The following ZPBP variants were observed in gnomAD, a reference collection of about 807,000 sequenced individuals.
The protein encoded by ZPBP is zona pellucida binding protein.
Under a neutral mutation model 44.8 loss-of-function variants are expected in ZPBP, and 26 were observed. The ratio of observed to expected loss-of-function variants is 0.58; its 90% CI spans 0.43 to 0.81. The LOEUF (loss-of-function observed/expected upper bound fraction) is 0.81, where lower values mean the gene tolerates loss of function less well. Among genes scored for constraint, ZPBP ranks in the 30% least tolerant of loss-of-function variants. The probability of loss-of-function intolerance (pLI) is 0.00; values close to 1 mark genes in which losing one functional copy is unlikely to be tolerated. For synonymous variants in ZPBP, 174 were observed against 153.2 expected (o/e 1.14, Z -1.00); for missense variants, 409 against 434.0 (o/e 0.94, Z 0.51).
intron 3 of ZPBP, among the ~76,000 whole-genome samples, chr7:50,072,558 C>G (rs757688881): frequency 6.6e-6 from 1 of 152,188 alleles, no homozygotes; most frequent in Non-Finnish European, 1.5e-5. Context: ...AGGTCTGACC[C>G]AGTGTAGTCA....
intron 2 of ZPBP, among the ~76,000 whole-genome samples, chr7:49,878,819 G>T (rs2128726364): frequency 6.6e-6 from 1 of 152,284 alleles, no homozygotes; most frequent in African/African-American, 2.4e-5. Flanking sequence ...ATAAAGACAT[G>T]TTGGAACACA....
At chr7:49,981,597 A>C (rs1196007360) in intron 7 of ZPBP, among the ~76,000 whole-genome samples, 40 of 23,618 alleles carry the variant, frequency 1.7e-3, no homozygotes, top group Non-Finnish European at 2.5e-3. Context: ...TTATATAATT[A>C]TATAAATTAT....
intron 5 of ZPBP, among the ~76,000 whole-genome samples, chr7:50,024,830 G>A (rs183500189): frequency 3.0e-4 from 45 of 152,046 alleles, no homozygotes; most frequent in Admixed American, 7.9e-4. Flanking sequence ...ATTTTACCAT[G>A]AGTCATGCTC....
At chr7:50,008,418 A>G (rs373746259) in intron 6 of ZPBP, among the ~76,000 whole-genome samples, 4 of 152,126 alleles carry the variant, frequency 2.6e-5, no homozygotes, top group Non-Finnish European at 5.9e-5. Context: ...TTCATGCATT[A>G]ACACATTTAA....
chr7:50,042,217 C>A (rs1379198543), intron 4 of ZPBP, among the ~76,000 whole-genome samples: 1 of 151,768 alleles, frequency 6.6e-6, no homozygotes, highest in African/African-American at 2.4e-5. Flanking sequence ...CTAAAAGTGA[C>A]GAGGAGAATG....
At chr7:49,942,080 T>G (rs948434994) in intron 7 of ZPBP, among the ~76,000 whole-genome samples, 5 of 152,126 alleles carry the variant, frequency 3.3e-5, no homozygotes, top group Non-Finnish European at 7.4e-5. Flanking sequence ...TGAAGTTGGA[T>G]TCTTAGACCA....
intron 3 of ZPBP, among the ~76,000 whole-genome samples, chr7:50,071,052 T>A (rs988907347): frequency 5.3e-5 from 8 of 152,222 alleles, no homozygotes; most frequent in East Asian, 3.8e-4. Flanking sequence ...ACAAATTTTT[T>A]AATTTCTTTT....
At chr7:50,016,817 AATTAAG>A (rs1306994961) in intron 6 of ZPBP, among the ~76,000 whole-genome samples, 1 of 152,190 alleles carries the variant, frequency 6.6e-6, no homozygotes, top group Non-Finnish European at 1.5e-5. Context: ...GAGAGAAGAA[AATTAAG>A]ATTAAGTGCT....
chr7:50,081,630 T>C, intron 3 of ZPBP, 144 bp downstream of exon 3: 1 of 990,038 alleles, frequency 1.0e-6, no homozygotes. Flanking sequence ...ACTATCTACA[T>C]TGTTAGCTCT....
intron 7 of ZPBP, among the ~76,000 whole-genome samples, chr7:49,970,215 A>G (rs987248429): frequency 6.6e-6 from 1 of 152,206 alleles, no homozygotes; most frequent in Non-Finnish European, 1.5e-5. Flanking sequence ...GATGTACAGA[A>G]AAACAAACTC....
chr7:49,862,770 T>C (rs1790710208), intron 2 of ZPBP, among the ~76,000 whole-genome samples: 1 of 152,210 alleles, frequency 6.6e-6, no homozygotes, highest in East Asian at 1.9e-4. Flanking sequence ...TTGTATTATG[T>C]CCATTAATTT....
chr7:50,081,513 G>A (rs952660210), intron 3 of ZPBP, among the ~76,000 whole-genome samples: 3 of 151,612 alleles, frequency 2.0e-5, no homozygotes, highest in Non-Finnish European at 3.0e-5. Flanking sequence ...TATTTTTTAA[G>A]TGAGAAAAAG....
chr7:49,938,239 A>AT (rs34104487), intron 7 of ZPBP, among the ~76,000 whole-genome samples: 118,157 of 151,972 alleles, frequency 0.78, 46,111 homozygotes, highest in East Asian at 0.89. Flanking sequence ...AAGAGACTGC[A>AT]TTTTTTTCTA....
At chr7:50,050,727 TAACTC>T (rs1800645930) in intron 4 of ZPBP, among the ~76,000 whole-genome samples, 1 of 122,796 alleles carries the variant, frequency 8.1e-6, no homozygotes, top group Admixed American at 1.1e-4. Flanking sequence ...ATTAAAAACT[TAACTC>T]AAGATGGATT....
At chr7:50,070,348 T>C (rs1801773691) in intron 3 of ZPBP, among the ~76,000 whole-genome samples, 1 of 152,220 alleles carries the variant, frequency 6.6e-6, no homozygotes, top group African/African-American at 2.4e-5. Flanking sequence ...CTTTCCTGTC[T>C]TGGGCCCTTA....
chr7:49,937,756 A>T (rs1387695665), intron 7 of ZPBP, 134 bp from the exon 8 acceptor site: 2 of 722,002 alleles, frequency 2.8e-6, no homozygotes, highest in East Asian at 5.6e-5. Flanking sequence ...AAATCTGCAG[A>T]ACTTTTTCAT....
In ZPBP at chr7:49,856,439, C is replaced by T. The variant is rs555025413; in HGVS notation, n.510-5925G>A. Among the ~76,000 whole-genome samples the T allele has an allele frequency of 2.0e-5, 3 of 152,236 alleles. No homozygotes were observed. The South Asian group carries it at 6.2e-4, about 32-fold the overall frequency. ...AGGTTCACCAGAAAAAGATGTTGGCCCCATGCTTCTTGTACAGGCTGCAGA... is the reference window on the plus strand; with the variant it reads ...AGGTTCACCAGAAAAAGATGTTGGCTCCATGCTTCTTGTACAGGCTGCAGA... On this transcript the variant is annotated intron_variant and non_coding_transcript_variant, in intron 2 of 2. Transcript: ENST00000465922.
rs575702272 is a variant in ZPBP at position 49,888,680 on chromosome 7, G to A, written n.509+12438C>T. On this transcript the variant is annotated intron_variant and non_coding_transcript_variant, in intron 2 of 2. Transcript: ENST00000465922. ...AATCCCAGCACTTTGGGAGGCCTAG[G>A]TGGGTGGATCACCTGCGGTCAGGAG... Among the ~76,000 whole-genome samples the A allele has an allele frequency of 7.9e-5, 12 of 152,266 alleles. 1 individual carries two copies. The South Asian group carries it at 2.5e-3, about 32-fold the overall frequency.
At chr7:49,958,968 A>G (rs1221326330) in intron 7 of ZPBP, among the ~76,000 whole-genome samples, 2 of 152,200 alleles carry the variant, frequency 1.3e-5, no homozygotes, top group Non-Finnish European at 2.9e-5. Flanking sequence ...AAATCAAATA[A>G]TAAATAAAAG....
Sources: gnomAD v4.1 joint callset for allele counts (sites outside exome capture counted in the v4.1 genomes callset) on GRCh38, gnomAD v4.1.1 for gene constraint, MANE v1.5 for transcripts, NCBI Gene and HGNC (gene_info 2026-07-23, HGNC 2026-07-21) for gene names.